SLC41A3: variants seen among roughly 807,000 people sequenced by gnomAD.
SLC41A3 encodes SLC41A1-like 2.
A neutral mutation model predicts 45.4 loss-of-function variants in SLC41A3; 44 were observed. That is an observed-to-expected ratio of 0.97 (90% CI 0.76 to 1.25). SLC41A3 has a LOEUF of 1.25. Ranked by LOEUF, SLC41A3 falls within the 50% of genes most tolerant of loss-of-function variation. The probability of loss-of-function intolerance (pLI) is 0.00; values close to 1 mark genes in which losing one functional copy is unlikely to be tolerated. For synonymous variants in SLC41A3, 256 were observed against 252.4 expected, an observed-to-expected ratio of 1.01 and a Z score of -0.13; for missense variants, 550 against 600.6, an observed-to-expected ratio of 0.92 and a Z score of 0.88.
At chr3:126,087,761 A>T (rs1051646067), upstream of SLC41A3, among the ~76,000 whole-genome samples, 1 of 150,090 alleles carries the variant, frequency 6.7e-6, no homozygotes, top group East Asian at 1.9e-4. Flanking sequence ...TGGTCTATGT[A>T]AGTTGTAATA....
intron 1 of SLC41A3, among the ~76,000 whole-genome samples, chr3:126,078,389 G>A (rs1327651480): frequency 6.6e-6 from 1 of 152,138 alleles, no homozygotes; most frequent in African/African-American, 2.4e-5. Context: ...GAGAAGAAAG[G>A]AGAGGAGGAG....
Position 126,007,116 on chromosome 3 carries a change from A to G in SLC41A3, c.1364T>C (p.Leu455Pro). The change falls in exon 11 of 11, where the codon CTC becomes CCC. Residue 455 changes from leucine to proline, a missense_variant. Leu to Pro is a moderately conservative substitution (Grantham distance 98). Transcript: ENST00000360370. Reference sequence around the variant, plus strand: ...GCAGAGTGCCAGGAGGCCAGTACCGAGCAGGTCCCCCAGCCCTGTAAGGTA... The same window carrying G: ...GCAGAGTGCCAGGAGGCCAGTACCGGGCAGGTCCCCCAGCCCTGTAAGGTA... ...IPYLTGLGDL[L>P]GTGLLALCFF... 4 of 1,614,186 alleles carry G rather than the reference A, an allele frequency of 2.5e-6. No homozygotes were observed. The highest frequency in any genetic ancestry group is 1.1e-5 in the South Asian group (1 of 91,080).
At position 126,067,120 on chromosome 3, in the gene SLC41A3, G is replaced by A. The variant is rs998126547; in HGVS notation, c.273+827C>T. Among the ~76,000 whole-genome samples, 26 of 71,198 alleles carry A rather than the reference G, an allele frequency of 3.7e-4. 1 individual carries two copies. Among genetic ancestry groups the A allele is most frequent in the African/African-American group, 1.7e-3 (24 of 13,924 alleles). The allele number at this position is 71,198 out of a possible 152,430, so 46.7% of individuals were successfully genotyped here. A position where few individuals can be genotyped will look rare whatever the true frequency, so the allele number is the denominator to read the frequency against. On this transcript the variant is annotated intron_variant, in intron 2 of 10. Transcript: ENST00000360370. The stretch of plus-strand genomic sequence containing the variant: ...CCCCCCGCCCCCCGCCCCGGCCACC[G>A]CACCACTAAGCAGATGATTTGGTGA...
At chr3:126,024,788 G>T (rs1350264298) in intron 5 of SLC41A3, 1 of 152,254 alleles carries the variant, frequency 6.6e-6, no homozygotes, top group Non-Finnish European at 1.5e-5. Flanking sequence ...ACGTGACCCA[G>T]GAGAGAGCTG....
chr3:126,041,798 C>T (rs918132536), intron 3 of SLC41A3, among the ~76,000 whole-genome samples: 1 of 152,182 alleles, frequency 6.6e-6, no homozygotes, highest in African/African-American at 2.4e-5. Flanking sequence ...CCCTTGTTTC[C>T]GCACAGACAC....
intron 2 of SLC41A3, chr3:126,056,375 C>T (rs566159890): frequency 6.2e-7 from 1 of 1,614,098 alleles, no homozygotes; most frequent in South Asian, 1.1e-5. Flanking sequence ...GTGTTCATCA[C>T]CAGGCCGGCT....
chr3:126,029,557 A>C (rs1353069005), intron 4 of SLC41A3, among the ~76,000 whole-genome samples: 2 of 152,236 alleles, frequency 1.3e-5, no homozygotes, highest in Non-Finnish European at 2.9e-5. Context: ...ACCCAGTCTC[A>C]GATATTTCTT....
rs150520192 is a variant in SLC41A3, at chr3:126,059,314, G to GAAAGAAAGAAAGA, written c.274-8265_274-8264insTCTTTCTTTCTTT. On this transcript the variant is annotated intron_variant, in intron 2 of 10. Coordinates refer to ENST00000360370, the MANE Select transcript of SLC41A3 (RefSeq NM_017836.4). ...AGAAAGAAAGAAAGAAAGAAAGGAA[G>GAAAGAAAGAAAGA]GATGATCTGTGATAAGTGCTCTGAA... Among the ~76,000 whole-genome samples the GAAAGAAAGAAAGA allele has an allele frequency of 5.4e-4, 55 of 102,762 alleles. 1 individual carries two copies. Among genetic ancestry groups the GAAAGAAAGAAAGA allele is most frequent in the African/African-American group, 1.7e-3 (45 of 25,902 alleles). The allele number at this position is 102,762 out of a possible 152,430, so 67.4% of individuals were successfully genotyped here.
intron 1 of SLC41A3, chr3:126,092,448 TAATA>T (rs1945507430): frequency 1.3e-5 from 2 of 152,252 alleles, no homozygotes; most frequent in Admixed American, 1.3e-4. Flanking sequence ...GGCTTGCTGC[TAATA>T]AATACGTGGG....
intron 4 of SLC41A3, among the ~76,000 whole-genome samples, chr3:126,028,810 C>T (rs1418957602): frequency 6.6e-6 from 1 of 152,238 alleles, no homozygotes; most frequent in South Asian, 2.1e-4. Flanking sequence ...TGGGAGCCCA[C>T]CCCTTGCACC....
intron 1 of SLC41A3, among the ~76,000 whole-genome samples, chr3:126,071,966 GA>G (rs1215215600): frequency 2.0e-5 from 3 of 151,644 alleles, no homozygotes; most frequent in Admixed American, 2.0e-4. Flanking sequence ...GTAGAGATGG[GA>G]TATCACTGTG....
intron 4 of SLC41A3, among the ~76,000 whole-genome samples, chr3:126,031,043 G>A (rs888957787): frequency 5.3e-5 from 8 of 152,190 alleles, no homozygotes; most frequent in South Asian, 2.1e-4. Context: ...TCAATAAGTC[G>A]TTATTAAGAC....
upstream of SLC41A3, among the ~76,000 whole-genome samples, chr3:126,086,266 A>G (rs1198313142): frequency 6.6e-6 from 1 of 152,218 alleles, no homozygotes; most frequent in Non-Finnish European, 1.5e-5. Context: ...AAAGAGCCCT[A>G]AGGTCAACCT....
Position 126,068,100 on chromosome 3 carries a change from G to A in SLC41A3, c.120C>T (p.Leu40=). 6.2e-7 allele frequency: 1 copy of A among 1,613,728 alleles called. No homozygotes were observed. Residue 40 remains leucine (L), a synonymous_variant, in exon 2 of 11, where the codon CTC becomes CTT. Coordinates refer to ENST00000360370, the MANE Select transcript of SLC41A3 (RefSeq NM_017836.4). The part of the protein sequence containing the change: ...GLPVASEDGA[L]RAPESQSVTP... ...TCACGCTTTGGCTCTCAGGGGCCCT[G>A]AGAGCTCCATCTTCTGAGGCTACAG...
At chr3:126,034,195 G>A (rs866551728) in intron 3 of SLC41A3, among the ~76,000 whole-genome samples, 4 of 152,050 alleles carry the variant, frequency 2.6e-5, no homozygotes, top group African/African-American at 9.7e-5. Flanking sequence ...CCACCAATCC[G>A]CTCAATGTCA....
chr3:126,037,537 T>C (rs1016115005), intron 3 of SLC41A3, among the ~76,000 whole-genome samples: 4 of 152,076 alleles, frequency 2.6e-5, no homozygotes, highest in Admixed American at 1.3e-4. Flanking sequence ...CTCTAGGGAT[T>C]TGTGGAAGGT....
At chr3:126,083,265 C>A (rs1945253904) in intron 1 of SLC41A3, among the ~76,000 whole-genome samples, 1 of 152,100 alleles carries the variant, frequency 6.6e-6, no homozygotes, top group Non-Finnish European at 1.5e-5. Flanking sequence ...GGGGAACCCG[C>A]ATTTCTAGCA....
chr3:126,095,765 T>A (rs1430435777), intron 1 of SLC41A3, among the ~76,000 whole-genome samples: 1 of 152,208 alleles, frequency 6.6e-6, no homozygotes, highest in Non-Finnish European at 1.5e-5. Context: ...ACGATTCCTA[T>A]GGAATCATTA....
At chr3:126,097,056 C>T (rs75752419) in intron 1 of SLC41A3, among the ~76,000 whole-genome samples, 21 of 152,330 alleles carry the variant, frequency 1.4e-4, no homozygotes, top group Non-Finnish European at 2.5e-4. Flanking sequence ...CCCGAGCAAG[C>T]ACGTGAAGGC....
Sources: allele counts gnomAD v4.1 joint callset (sites outside exome capture counted in the v4.1 genomes callset), GRCh38; gene constraint gnomAD v4.1.1; transcripts MANE v1.5; gene names NCBI Gene and HGNC (gene_info 2026-07-23, HGNC 2026-07-21).